The following TAF1D variants were observed in gnomAD, a reference collection of about 807,000 sequenced individuals.
TAF1D encodes TATA-box binding protein associated factor, RNA polymerase I subunit D.
In TAF1D, 23 loss-of-function variants were observed where a neutral mutation model predicts 26.2. That is an observed-to-expected ratio of 0.88 (90% CI 0.63 to 1.25). The LOEUF (loss-of-function observed/expected upper bound fraction) is 1.25, where lower values mean the gene tolerates loss of function less well. Among genes scored for constraint, TAF1D ranks in the 50% most tolerant of loss-of-function variants. TAF1D has a pLI of 0.00. For missense variants in TAF1D, 299 were observed against 322.0 expected (o/e 0.93, Z 0.55); for synonymous variants, 100 against 105.6 (o/e 0.95, Z 0.33).
chr11:93,740,167 G>A (rs67769616), intron 1 of TAF1D, among the ~76,000 whole-genome samples: 15,915 of 151,724 alleles, frequency 0.1, 920 homozygotes, highest in East Asian at 0.25. Context: ...AAATTAGCCA[G>A]AATAGTGGCG....
At chr11:93,733,024 G>T (rs989168289), downstream of TAF1D, 5 of 335,074 alleles carry the variant, frequency 1.5e-5, no homozygotes, top group African/African-American at 6.5e-5. Context: ...ATACTGGGAT[G>T]GTGTAATTTC....
chr11:93,735,161 G>A, downstream of TAF1D: 7 of 1,351,840 alleles, frequency 5.2e-6, no homozygotes, highest in Non-Finnish European at 5.9e-6. Flanking sequence ...TGAGTTCTGG[G>A]TTGCAAAAGA....
intron 4 of TAF1D, 139 bp from the exon 5 acceptor site, chr11:93,736,890 A>T (rs1940915223): frequency 8.8e-7 from 1 of 1,136,296 alleles, no homozygotes; most frequent in Non-Finnish European, 1.2e-6. Context: ...GTTCTGGAGA[A>T]TTCTAGATGA....
exon 12 of TAF1D, chr11:93,730,259 A>G: frequency 6.5e-7 from 1 of 1,549,256 alleles, no homozygotes; most frequent in Non-Finnish European, 8.7e-7. Context: ...CGAGCCAAAA[A>G]TACATGCTGA....
At chr11:93,735,091 T>C (rs1372337970), downstream of TAF1D, 2 of 1,322,576 alleles carry the variant, frequency 1.5e-6, no homozygotes, top group African/African-American at 3.0e-5. Flanking sequence ...CTCCCATCAA[T>C]CAACTGTCTC....
In TAF1D at chr11:93,730,502, G is replaced by A. The variant is rs373343719; in HGVS notation, c.*949C>T. ...AAAACTCTCACATGGCAACAATCCTGGATTATTACGTTTTATATCTCCTCA... is the reference window on the plus strand; with the variant it reads ...AAAACTCTCACATGGCAACAATCCTAGATTATTACGTTTTATATCTCCTCA... On this transcript the variant is annotated 3_prime_UTR_variant and NMD_transcript_variant, in exon 12 of 12. Coordinates refer to the TAF1D transcript ENST00000323981. 534 of 722,852 alleles carry A rather than the reference G, an allele frequency of 7.4e-4. 3 individuals are homozygous for A. The highest frequency in any genetic ancestry group is 2.6e-3 in the Middle Eastern group (8 of 3,104). 44.8% of individuals were successfully genotyped at this position (722,852 alleles called of 1,614,324 possible).
intron 4 of TAF1D, 149 bp downstream of exon 4, chr11:93,736,915 T>C: frequency 9.1e-7 from 1 of 1,099,734 alleles, no homozygotes; most frequent in Non-Finnish European, 1.3e-6. Context: ...TGTGCCAAGC[T>C]TGGCTCAACT....
intron 2 of TAF1D, chr11:93,738,877 CTG>C (rs1491091102): frequency 7.5e-5 from 23 of 305,500 alleles, no homozygotes; most frequent in Non-Finnish European, 7.9e-5. Flanking sequence ...TACAAAAAAA[CTG>C]TATCTTTCAA....
downstream of TAF1D, chr11:93,730,887 G>C: frequency 2.2e-6 from 1 of 454,570 alleles, no homozygotes; most frequent in Admixed American, 2.5e-5. Context: ...TGATTCAAGA[G>C]ATCTAGGAGA....
At chr11:93,739,864 T>C (rs1442164253) in intron 1 of TAF1D, among the ~76,000 whole-genome samples, 1 of 151,338 alleles carries the variant, frequency 6.6e-6, no homozygotes, top group African/African-American at 2.4e-5. Flanking sequence ...TTTGCCATTA[T>C]TGGTGGAAAC....
downstream of TAF1D, chr11:93,731,515 G>A (rs1175097646): frequency 1.9e-6 from 1 of 518,820 alleles, no homozygotes; most frequent in South Asian, 1.4e-5. Context: ...TGTTCAGAAA[G>A]GCCATTTTCA....
chr11:93,736,861 C>T (rs1940910099), intron 4 of TAF1D, 110 bp from the exon 5 acceptor site: 1 of 1,317,716 alleles, frequency 7.6e-7, no homozygotes, highest in Non-Finnish European at 1.0e-6. Context: ...AAAGGAAACA[C>T]AAAATTTGAG....
At chr11:93,731,167 CT>C (rs1938625971), downstream of TAF1D, 2 of 466,090 alleles carry the variant, frequency 4.3e-6, no homozygotes, top group Non-Finnish European at 8.3e-6. Flanking sequence ...ACTTTGGCTT[CT>C]GTCATCTCGT....
downstream of TAF1D, chr11:93,733,697 C>T (rs752455867): frequency 1.8e-5 from 8 of 445,222 alleles, no homozygotes; most frequent in Admixed American, 5.1e-5. Context: ...CCCAGGGGTT[C>T]GAGGCTACAG....
chr11:93,737,595 T>C (rs1380456336), intron 3 of TAF1D, among the ~76,000 whole-genome samples: 1 of 152,198 alleles, frequency 6.6e-6, no homozygotes, highest in Non-Finnish European at 1.5e-5. Flanking sequence ...AAATAAAATT[T>C]CAGGTTCTGG....
exon 12 of TAF1D, chr11:93,730,534 CAT>C (rs773437910): frequency 8.9e-6 from 6 of 675,430 alleles, no homozygotes; most frequent in South Asian, 4.1e-5. Flanking sequence ...CTCAGGAAAA[CAT>C]AGCACCAAAC....
intron 4 of TAF1D, 86 bp downstream of exon 4, chr11:93,736,978 C>CTA: frequency 7.9e-7 from 1 of 1,262,802 alleles, no homozygotes; most frequent in Non-Finnish European, 1.1e-6. Flanking sequence ...TTAAGTATAA[C>CTA]TATATTAAAG....
chr11:93,730,250 G>A (rs1002539698), exon 12 of TAF1D: 17 of 1,550,578 alleles, frequency 1.1e-5, no homozygotes, highest in Middle Eastern at 1.8e-4. Context: ...GAGAAACTTC[G>A]AGCCAAAAAT....
chr11:93,731,811 ATTG>A, downstream of TAF1D: 1 of 352,300 alleles, frequency 2.8e-6, no homozygotes, highest in Non-Finnish European at 5.5e-6. Context: ...TAGAAGTTGA[ATTG>A]TACAAAGTAC....
Sources: allele counts gnomAD v4.1 joint callset (sites outside exome capture counted in the v4.1 genomes callset), GRCh38; gene constraint gnomAD v4.1.1; transcripts MANE v1.5; gene names NCBI Gene and HGNC (gene_info 2026-07-23, HGNC 2026-07-21).